The following PPP2R5C variants were observed in gnomAD, a reference collection of about 807,000 sequenced individuals.
PPP2R5C encodes the protein serine/threonine-protein phosphatase 2A 56 kDa regulatory subunit gamma isoform.
PPP2R5C carries 7 observed loss-of-function variants against 68.9 expected under a neutral mutation model. The observed-to-expected ratio is 0.10, with a 90% CI of 0.06 to 0.19. The LOEUF is 0.19. Ranked by LOEUF, PPP2R5C falls within the 10% of genes least tolerant of loss-of-function variation. The probability of loss-of-function intolerance (pLI) is 1.00; values close to 1 mark genes in which losing one functional copy is unlikely to be tolerated. For synonymous variants in PPP2R5C, 210 were observed against 222.2 expected (o/e 0.95, Z 0.49); for missense variants, 348 against 641.3 (o/e 0.54, Z 4.94).
At chr14:101,768,680 A>G (rs2036986606) in intron 2 of PPP2R5C, among the ~76,000 whole-genome samples, 1 of 152,138 alleles carries the variant, frequency 6.6e-6, no homozygotes, top group African/African-American at 2.4e-5. Flanking sequence ...TAAAGGGCAA[A>G]TCACATCTTC....
chr14:101,890,114 G>C (rs1212665064), intron 5 of PPP2R5C, 123 bp from the exon 8 acceptor site: 2 of 870,610 alleles, frequency 2.3e-6, no homozygotes, highest in Admixed American at 2.1e-5. Context: ...TGCTCACCAC[G>C]AGCAGTGTTT....
At position 101,890,086 on chromosome 14, in the gene PPP2R5C, G is replaced by T. The variant is rs567236210; in HGVS notation, c.630-151G>T. The T allele has an allele frequency of 3.4e-5, 25 of 736,800 alleles. No individual in the cohort carries two copies. In the African/African-American group the frequency reaches 4.4e-4, roughly 13 times the overall value. The allele number at this position is 736,800 out of a possible 1,614,324, so 45.6% of individuals were successfully genotyped here. A position where few individuals can be genotyped will look rare whatever the true frequency, so the allele number is the denominator to read the frequency against. ...GCTGCAGGCCTTGAGGAGTTTCTTTGGTTCCTGAAGGGCTGCTTGCTCACC... is the reference window on the plus strand; with the variant it reads ...GCTGCAGGCCTTGAGGAGTTTCTTTTGTTCCTGAAGGGCTGCTTGCTCACC... On this transcript the variant is annotated intron_variant, in intron 5 of 13. Transcript: ENST00000334743.
chr14:101,837,511 A>G (rs1004970020), intron 1 of PPP2R5C, among the ~76,000 whole-genome samples: 1 of 152,248 alleles, frequency 6.6e-6, no homozygotes, highest in African/African-American at 2.4e-5. Flanking sequence ...GTGATTTCCA[A>G]AAATTTGAAA....
chr14:101,786,252 G>A, intron 3 of PPP2R5C, 69 bp downstream of exon 3: 2 of 1,333,722 alleles, frequency 1.5e-6, no homozygotes, highest in Non-Finnish European at 2.0e-6. Flanking sequence ...TTTTGATAGT[G>A]TGCTAATTTA....
chr14:101,838,478 G>A (rs532612120), intron 1 of PPP2R5C, among the ~76,000 whole-genome samples: 2 of 152,342 alleles, frequency 1.3e-5, no homozygotes, highest in Non-Finnish European at 2.9e-5. Context: ...TCACCCATTT[G>A]TCAATATTTT....
At chr14:101,814,927 C>G (rs2039569734) in intron 1 of PPP2R5C, among the ~76,000 whole-genome samples, 1 of 152,198 alleles carries the variant, frequency 6.6e-6, no homozygotes, top group African/African-American at 2.4e-5. Flanking sequence ...TAGTATTTCT[C>G]CTCCCCAAGG....
intron 2 of PPP2R5C, among the ~76,000 whole-genome samples, chr14:101,867,852 G>A (rs1239387087): frequency 6.6e-6 from 1 of 152,110 alleles, no homozygotes; most frequent in East Asian, 1.9e-4. Flanking sequence ...GTTTTTATCA[G>A]GACTCTTGTT....
intron 8 of PPP2R5C, among the ~76,000 whole-genome samples, chr14:101,901,454 GT>G (rs1249646240): frequency 6.6e-6 from 1 of 152,194 alleles, no homozygotes; most frequent in African/African-American, 2.4e-5. Flanking sequence ...GAGCCAAGGA[GT>G]TCAAGTCCAG....
intron 3 of PPP2R5C, among the ~76,000 whole-genome samples, chr14:101,792,843 C>T (rs1236458484): frequency 6.7e-6 from 1 of 150,190 alleles, no homozygotes; most frequent in Non-Finnish European, 1.5e-5. Context: ...TCATTTAATA[C>T]CTTCTCTTCC....
chr14:101,891,635 C>T lies in PPP2R5C; in HGVS notation c.689+1339C>T, dbSNP rs574814196. ...GTGCATAGGGCCGCCGGGCAGCTCC[C>T]GCCGAGAGGCTGATTAGTTTTATCC... On this transcript the variant is annotated intron_variant, in intron 6 of 13. Transcript: ENST00000334743. This position sits in a 1 kb window ranked among gnomAD's most constrained non-coding sequence, Gnocchi z 4.9. Among the ~76,000 whole-genome samples the T allele has an allele frequency of 1.3e-5, 2 of 152,318 alleles. No individual in the cohort carries two copies. The highest frequency in any genetic ancestry group is 4.1e-4 in the South Asian group (2 of 4,820).
At chr14:101,865,433 T>G (rs60168780) in intron 2 of PPP2R5C, among the ~76,000 whole-genome samples, 6,919 of 152,300 alleles carry the variant, frequency 0.045, 544 homozygotes, top group African/African-American at 0.16. Context: ...CTACCTGCCC[T>G]TGATCCCGTT....
At chr14:101,920,571 T>G (rs1340958319) in intron 13 of PPP2R5C, among the ~76,000 whole-genome samples, 1 of 152,090 alleles carries the variant, frequency 6.6e-6, no homozygotes, top group African/African-American at 2.4e-5. Flanking sequence ...CTCAGAAGAG[T>G]CATTGGGATG....
intron 1 of PPP2R5C, chr14:101,819,088 G>A (rs2140252691): frequency 6.5e-7 from 1 of 1,534,476 alleles, no homozygotes; most frequent in East Asian, 2.4e-5. Context: ...AGGAAGAGGT[G>A]GGTGGTGAGG....
At chr14:101,771,659 G>A (rs773320460) in intron 2 of PPP2R5C, among the ~76,000 whole-genome samples, 2 of 152,010 alleles carry the variant, frequency 1.3e-5, no homozygotes, top group Non-Finnish European at 2.9e-5. Flanking sequence ...AAACCTGGGC[G>A]GCAGAGGTTG....
In PPP2R5C at chr14:101,917,981, G is replaced by A; in HGVS notation, c.1443+34G>A. Reference sequence around the variant, plus strand: ...GCACCGAGCTCAGCTGGGCACCCATGACTGATTTGCTTAAGAAATGCACAT... The same window carrying A: ...GCACCGAGCTCAGCTGGGCACCCATAACTGATTTGCTTAAGAAATGCACAT... On this transcript the variant is annotated intron_variant, in intron 13 of 13. Coordinates refer to ENST00000334743, the Ensembl canonical transcript of PPP2R5C. This position sits in a 1 kb window ranked among gnomAD's most constrained non-coding sequence, Gnocchi z 4.4. 6.2e-7 allele frequency: 1 copy of A among 1,612,926 alleles called. No homozygotes were observed. Among genetic ancestry groups the A allele is most frequent in the Non-Finnish European group, 8.5e-7 (1 of 1,179,290 alleles).
intron 2 of PPP2R5C, among the ~76,000 whole-genome samples, chr14:101,865,033 G>A (rs1020536593): frequency 6.6e-6 from 1 of 152,198 alleles, no homozygotes; most frequent in Non-Finnish European, 1.5e-5. Context: ...ACACGATTCG[G>A]GGTGGATTTG....
At chr14:101,765,566 G>C in intron 2 of PPP2R5C, 2 of 209,158 alleles carry the variant, frequency 9.6e-6, no homozygotes, top group Non-Finnish European at 1.9e-5. Flanking sequence ...CTGCTTTCAA[G>C]CCTTTTTTTT....
At position 101,923,500 on chromosome 14, in the gene PPP2R5C, G is replaced by A. The variant is rs184823953; in HGVS notation, c.1444-1641G>A. Among the ~76,000 whole-genome samples the A allele has an allele frequency of 2.0e-3, 300 of 152,286 alleles. 2 individuals are homozygous for A. The highest frequency in any genetic ancestry group is 6.8e-3 in the African/African-American group (284 of 41,542). On this transcript the variant is annotated intron_variant, in intron 13 of 13. Transcript: ENST00000334743. ...GGTAGAATTTCACCTCTGGGTTGAA[G>A]GTAGACATGCTTTACATCCTCACAC...
In PPP2R5C at chr14:101,781,721, C is replaced by A. The variant is rs1388318473; in HGVS notation, c.94-4297C>A. Among the ~76,000 whole-genome samples, 2 of 152,116 alleles carry A rather than the reference C, an allele frequency of 1.3e-5. No individual in the cohort carries two copies. Among genetic ancestry groups the A allele is most frequent in the African/African-American group, 4.8e-5 (2 of 41,424 alleles). On this transcript the variant is annotated intron_variant, in intron 2 of 14. Coordinates refer to the PPP2R5C transcript ENST00000328724. This position sits in a 1 kb window ranked among gnomAD's most constrained non-coding sequence, Gnocchi z 6.4. Reference sequence around the variant, plus strand: ...CGGAGCCCGGAGGAGGGGAGCCGGCCACCCGGGGAAGAAGCGGAGGACGCC... The same window carrying A: ...CGGAGCCCGGAGGAGGGGAGCCGGCAACCCGGGGAAGAAGCGGAGGACGCC...
Sources: gnomAD v4.1 joint callset for allele counts (sites outside exome capture counted in the v4.1 genomes callset) on GRCh38, gnomAD v4.1.1 for gene constraint, Gnocchi (gnomAD v3.1) non-coding constraint, MANE v1.5 for transcripts, NCBI Gene and HGNC (gene_info 2026-07-23, HGNC 2026-07-21) for gene names.